TBC1D22A: variants seen among roughly 807,000 people sequenced by gnomAD.
The protein encoded by TBC1D22A is TBC1 domain family member 22A, also known as putative GTPase activator.
TBC1D22A carries 38 observed loss-of-function variants against 60.2 expected under a neutral mutation model. The ratio of observed to expected loss-of-function variants is 0.63; its 90% CI spans 0.49 to 0.83. TBC1D22A has a LOEUF of 0.83. Among genes scored for constraint, TBC1D22A ranks in the 40% least tolerant of loss-of-function variants. TBC1D22A has a pLI of 0.00. For missense variants in TBC1D22A, 628 were observed against 701.0 expected, an observed-to-expected ratio of 0.90 and a Z score of 1.18; for synonymous variants, 302 against 281.7, an observed-to-expected ratio of 1.07 and a Z score of -0.72.
At chr22:47,073,329 C>T (rs192395972) in intron 11 of TBC1D22A, among the ~76,000 whole-genome samples, 32 of 152,256 alleles carry the variant, frequency 2.1e-4, no homozygotes, top group Admixed American at 5.9e-4. Flanking sequence ...GTGCCGCTGG[C>T]GGTTTCATTA....
intron 8 of TBC1D22A, among the ~76,000 whole-genome samples, chr22:46,964,549 C>T (rs1286872977): frequency 1.3e-5 from 2 of 151,952 alleles, no homozygotes; most frequent in South Asian, 2.1e-4. Context: ...AAAAACATCC[C>T]GAAAGGAAGC....
At chr22:47,010,784 A>T (rs1379692122) in intron 10 of TBC1D22A, among the ~76,000 whole-genome samples, 2 of 151,116 alleles carry the variant, frequency 1.3e-5, no homozygotes, top group Admixed American at 1.3e-4. Context: ...CTCTAAATGG[A>T]TATTTTGTTG....
intron 9 of TBC1D22A, among the ~76,000 whole-genome samples, chr22:46,989,759 TCACACACACA>T (rs35714390): frequency 2.1e-5 from 3 of 146,068 alleles, no homozygotes; most frequent in Admixed American, 6.8e-5. Flanking sequence ...TGTGACAGAG[TCACACACACA>T]CACACACACA....
At chr22:46,882,286 C>T (rs974965656) in intron 5 of TBC1D22A, among the ~76,000 whole-genome samples, 10 of 152,050 alleles carry the variant, frequency 6.6e-5, no homozygotes, top group Non-Finnish European at 1.0e-4. Context: ...GAATGGGAGG[C>T]GAGGGTGTGG....
In TBC1D22A at chr22:47,157,493, C is replaced by T. The variant is rs961705588; in HGVS notation, c.1426-16005C>T. ...TGGGGTCTGCTGTAGGTGTCCTTGC[C>T]GCTGCACGGGCCAGGATGTGGTTCT... On this transcript the variant is annotated intron_variant, in intron 12 of 12. Coordinates refer to ENST00000337137, the MANE Select transcript of TBC1D22A (RefSeq NM_014346.5). Among the ~76,000 whole-genome samples, 8 of 152,302 alleles carry T rather than the reference C, an allele frequency of 5.3e-5. No individual in the cohort carries two copies. The East Asian group carries it at 5.8e-4, about 11-fold the overall frequency.
intron 11 of TBC1D22A, among the ~76,000 whole-genome samples, chr22:47,087,826 A>C (rs2064759932): frequency 6.6e-6 from 1 of 152,224 alleles, no homozygotes; most frequent in Non-Finnish European, 1.5e-5. Flanking sequence ...CTGTAATCCC[A>C]GCACTTTAGA....
chr22:46,774,816 G>C (rs1601811607), intron 1 of TBC1D22A, among the ~76,000 whole-genome samples: 1 of 152,156 alleles, frequency 6.6e-6, no homozygotes. Context: ...CTCATGCTTG[G>C]GTTCATTTGA....
At position 46,797,508 on chromosome 22, in the gene TBC1D22A, G is replaced by C. The variant is rs141562909; in HGVS notation, c.525G>C (p.Thr175=). The C allele has an allele frequency of 3.1e-6, 5 of 1,613,858 alleles. No homozygotes were observed. The African/African-American group carries it at 5.3e-5, about 17-fold the overall frequency. ...SQSLPHSATV[T]LGGTSDPSTL... ...CTCTCCCACACTCGGCCACCGTCAC[G>C]CTGGGTGGCACATCTGACCCCAGCA... The change falls in exon 4 of 13, where the codon ACG becomes ACC. Residue 175 remains threonine, a synonymous_variant. Transcript: ENST00000337137.
intron 8 of TBC1D22A, among the ~76,000 whole-genome samples, chr22:46,942,963 G>A (rs73480764): frequency 0.084 from 12,785 of 152,180 alleles, 995 homozygotes; most frequent in African/African-American, 0.2. Flanking sequence ...CTTGCACACG[G>A]AGGTGCGTCA....
intron 11 of TBC1D22A, among the ~76,000 whole-genome samples, chr22:47,039,704 GAAAAAAAAA>G (rs34793078): frequency 1.1e-4 from 9 of 81,458 alleles, no homozygotes; most frequent in East Asian, 3.9e-4. Context: ...TGCATTTCAG[GAAAAAAAAA>G]AAAAAAAAAA....
intron 4 of TBC1D22A, among the ~76,000 whole-genome samples, chr22:46,832,630 G>A (rs952699185): frequency 1.3e-5 from 2 of 152,180 alleles, no homozygotes; most frequent in African/African-American, 2.4e-5. Context: ...TGGGCAACAA[G>A]AGCGAAACTC....
At chr22:46,768,580 C>T (rs193232436) in intron 1 of TBC1D22A, among the ~76,000 whole-genome samples, 4 of 152,082 alleles carry the variant, frequency 2.6e-5, no homozygotes, top group Non-Finnish European at 4.4e-5. Flanking sequence ...TCTTGGCTCC[C>T]GAAGGGCTGT....
At chr22:47,129,083 T>C (rs932053750) in intron 12 of TBC1D22A, among the ~76,000 whole-genome samples, 12 of 152,238 alleles carry the variant, frequency 7.9e-5, no homozygotes, top group African/African-American at 2.9e-4. Flanking sequence ...TGAAGACTCT[T>C]GGCCCTTCTG....
At chr22:47,091,373 G>GGTGACTGC (rs1569437436) in intron 11 of TBC1D22A, among the ~76,000 whole-genome samples, 171 of 62,218 alleles carry the variant, frequency 2.7e-3, no homozygotes, top group Middle Eastern at 0.015. Flanking sequence ...TCGCAGAGGG[G>GGTGACTGC]TTGTTGATAG....
At chr22:47,155,316 G>C (rs1445878137) in intron 12 of TBC1D22A, among the ~76,000 whole-genome samples, 1 of 152,216 alleles carries the variant, frequency 6.6e-6, no homozygotes, top group Non-Finnish European at 1.5e-5. Context: ...TCCCAGGGCT[G>C]TCCTCCCGGC....
At chr22:47,066,964 CT>C (rs1361578591) in intron 11 of TBC1D22A, among the ~76,000 whole-genome samples, 1 of 152,180 alleles carries the variant, frequency 6.6e-6, no homozygotes, top group African/African-American at 2.4e-5. Flanking sequence ...GATACCAGTC[CT>C]TTTAAAAAAA....
Position 46,795,344 on chromosome 22 carries a change from G to C in TBC1D22A, c.460+1503G>C, listed in dbSNP as rs1375229838. On this transcript the variant is annotated intron_variant, in intron 3 of 12. Transcript: ENST00000337137. ...CCGTGCCCCCTACCCCCAAGATGCA[G>C]GGCACTGTCAGGCTGAGAGTGGCCA... 2.0e-5 allele frequency among the ~76,000 whole-genome samples: 3 copies of C among 152,262 alleles called. No individual in the cohort carries two copies. In the East Asian group the frequency reaches 5.8e-4, roughly 29 times the overall value.
At chr22:46,799,934 CT>C (rs35739072) in intron 4 of TBC1D22A, among the ~76,000 whole-genome samples, 2 of 152,344 alleles carry the variant, frequency 1.3e-5, no homozygotes, top group East Asian at 3.9e-4. Flanking sequence ...AAGAGCTCCC[CT>C]TTTTCCTTTG....
intron 11 of TBC1D22A, among the ~76,000 whole-genome samples, chr22:47,065,476 C>G (rs1351385779): frequency 3.9e-5 from 6 of 152,198 alleles, no homozygotes; most frequent in African/African-American, 1.4e-4. Context: ...GCCAGCCTCC[C>G]CTGTGGCTGG....
Sources: allele counts gnomAD v4.1 joint callset (sites outside exome capture counted in the v4.1 genomes callset), GRCh38; gene constraint gnomAD v4.1.1; transcripts MANE v1.5; gene names NCBI Gene and HGNC (gene_info 2026-07-23, HGNC 2026-07-21).